Variants in ZNF536 observed in about 807,000 individuals in gnomAD.
ZNF536 encodes zinc finger protein 536.
ZNF536 carries 13 observed loss-of-function variants against 84.5 expected under a neutral mutation model. The observed-to-expected ratio is 0.15, with a 90% CI of 0.10 to 0.24. The LOEUF is 0.24. ZNF536 is among the 10% of genes least tolerant of loss of function. The probability of loss-of-function intolerance (pLI) is 1.00; values close to 1 mark genes in which losing one functional copy is unlikely to be tolerated. For synonymous variants in ZNF536, 811 were observed against 742.5 expected (o/e 1.09, Z -1.50); for missense variants, 1,536 against 1,747.5 (o/e 0.88, Z 2.16).
chr19:30,405,950 G>A (rs1427715440), intron 1 of ZNF536, among the ~76,000 whole-genome samples: 1 of 152,080 alleles, frequency 6.6e-6, no homozygotes. Context: ...GATAATTTTT[G>A]TATTTTTCGT....
At chr19:30,701,195 A>T (rs200479670) in intron 1 of ZNF536, among the ~76,000 whole-genome samples, 888 of 14,556 alleles carry the variant, frequency 0.061, 8 homozygotes, top group African/African-American at 0.18. Flanking sequence ...TCACTCTCAC[A>T]CACACACACA....
intron 1 of ZNF536, among the ~76,000 whole-genome samples, chr19:30,403,975 C>T (rs951838498): frequency 4.6e-5 from 7 of 151,524 alleles, no homozygotes; most frequent in Admixed American, 2.0e-4. Context: ...AATTTAAGCC[C>T]TTCAGCATTC....
chr19:30,428,887 T>C (rs1428055748), intron 1 of ZNF536, among the ~76,000 whole-genome samples: 2 of 152,126 alleles, frequency 1.3e-5, no homozygotes, highest in African/African-American at 4.8e-5. Flanking sequence ...AAGATCAGGG[T>C]TTGGCTATGC....
chr19:30,356,348 T>C (rs530847849), intron 3 of ZNF536, among the ~76,000 whole-genome samples: 32 of 152,212 alleles, frequency 2.1e-4, no homozygotes, highest in Non-Finnish European at 4.0e-4. Context: ...CCCTGGGCAG[T>C]CTGCACTTCA....
chr19:30,574,668 G>A (rs1235350737), intron 1 of ZNF536, among the ~76,000 whole-genome samples: 1 of 152,168 alleles, frequency 6.6e-6, no homozygotes, highest in Non-Finnish European at 1.5e-5. Flanking sequence ...TGAAGCCCAT[G>A]TAATCCCATG....
At chr19:30,569,280 T>C (rs1486802624) in intron 1 of ZNF536, among the ~76,000 whole-genome samples, 1 of 152,188 alleles carries the variant, frequency 6.6e-6, no homozygotes, top group African/African-American at 2.4e-5. Flanking sequence ...TAGCCATTTT[T>C]TGATCATCCT....
chr19:30,431,233 C>T (rs2147976859), intron 1 of ZNF536, among the ~76,000 whole-genome samples: 1 of 152,278 alleles, frequency 6.6e-6, no homozygotes, highest in East Asian at 1.9e-4. Context: ...AGTCTTCCCT[C>T]CTCTCCCAGG....
intron 1 of ZNF536, among the ~76,000 whole-genome samples, chr19:30,382,509 G>A (rs898863356): frequency 3.3e-5 from 5 of 152,098 alleles, no homozygotes; most frequent in Middle Eastern, 3.4e-3. Context: ...TTTATTTAGG[G>A]ATACAGTTAA....
At chr19:30,650,624 CTTTT>C (rs1261655537) in intron 1 of ZNF536, among the ~76,000 whole-genome samples, 5 of 152,074 alleles carry the variant, frequency 3.3e-5, no homozygotes, top group African/African-American at 9.7e-5. Flanking sequence ...TAGAATCTTT[CTTTT>C]GTCATTGGTA....
chr19:30,231,487 C>T (rs2023038806), intron 1 of ZNF536, among the ~76,000 whole-genome samples: 1 of 152,170 alleles, frequency 6.6e-6, no homozygotes. Context: ...TGTGCCAGGG[C>T]AGGGTCTGGG....
chr19:30,441,088 G>A (rs941852969), intron 1 of ZNF536, among the ~76,000 whole-genome samples: 12 of 152,194 alleles, frequency 7.9e-5, no homozygotes, highest in African/African-American at 2.9e-4. Flanking sequence ...CATCCAAGCT[G>A]ATTTGCAGTC....
At chr19:30,420,238 C>T (rs1202110670) in intron 1 of ZNF536, among the ~76,000 whole-genome samples, 1 of 152,116 alleles carries the variant, frequency 6.6e-6, no homozygotes, top group East Asian at 1.9e-4. Flanking sequence ...ATGTTTGAGA[C>T]CAAAGAAGAT....
At chr19:30,269,200 G>A (rs895673076) in intron 1 of ZNF536, among the ~76,000 whole-genome samples, 5 of 152,132 alleles carry the variant, frequency 3.3e-5, no homozygotes, top group Admixed American at 1.3e-4. Context: ...CTGGAACTCC[G>A]CAGGAACCCT....
chr19:30,616,317 A>C (rs1397117966), intron 1 of ZNF536, among the ~76,000 whole-genome samples: 1 of 152,222 alleles, frequency 6.6e-6, no homozygotes, highest in African/African-American at 2.4e-5. Flanking sequence ...ATGTTACAGA[A>C]ATATCCTTCT....
chr19:30,636,274 G>A (rs1032373390), intron 1 of ZNF536, among the ~76,000 whole-genome samples: 2 of 152,060 alleles, frequency 1.3e-5, no homozygotes, highest in African/African-American at 4.8e-5. Flanking sequence ...AAAGTGAGAG[G>A]GTCATTGGCC....
At chr19:30,553,662 T>C (rs1248277468) in intron 4 of ZNF536, among the ~76,000 whole-genome samples, 2 of 152,144 alleles carry the variant, frequency 1.3e-5, no homozygotes, top group Non-Finnish European at 2.9e-5. Flanking sequence ...GCTGAACTGG[T>C]AGCATCTGTA....
chr19:30,468,026 G>A (rs1040550072), intron 2 of ZNF536, among the ~76,000 whole-genome samples: 3 of 152,226 alleles, frequency 2.0e-5, no homozygotes, highest in African/African-American at 7.2e-5. Flanking sequence ...GCTCATGCTG[G>A]GAGTGAGTGA....
intron 1 of ZNF536, among the ~76,000 whole-genome samples, chr19:30,391,579 A>AAAAC (rs776618220): frequency 1.3e-5 from 2 of 152,188 alleles, no homozygotes; most frequent in East Asian, 1.9e-4. Flanking sequence ...TCTGTCTCAA[A>AAAAC]AAACAAACAA....
chr19:30,495,905 C>T (rs2054700220), intron 2 of ZNF536, among the ~76,000 whole-genome samples: 1 of 152,126 alleles, frequency 6.6e-6, no homozygotes, highest in Non-Finnish European at 1.5e-5. Flanking sequence ...CAGTAATGGG[C>T]AGTGGATCTT....
Sources: gnomAD v4.1 joint callset for allele counts (sites outside exome capture counted in the v4.1 genomes callset) on GRCh38, gnomAD v4.1.1 for gene constraint, MANE v1.5 for transcripts, NCBI Gene and HGNC (gene_info 2026-07-23, HGNC 2026-07-21) for gene names.